Variants in ARSB observed in about 807,000 individuals in gnomAD.
ARSB encodes N-acetylgalactosamine-4-sulfatase.
ARSB carries 41 observed loss-of-function variants against 50.9 expected under a neutral mutation model. The ratio of observed to expected loss-of-function variants is 0.81; its 90% CI spans 0.63 to 1.04. The LOEUF is 1.04. Ranked by LOEUF, ARSB falls within the 50% of genes least tolerant of loss-of-function variation. The pLI, the probability that ARSB is intolerant of heterozygous loss-of-function variation, is 0.00. For missense variants in ARSB, 672 were observed against 693.3 expected, an observed-to-expected ratio of 0.97 and a Z score of 0.35; for synonymous variants, 269 against 284.8, an observed-to-expected ratio of 0.94 and a Z score of 0.56.
rs377562347 is a variant in ARSB, at chr5:78,872,651, C to T, written c.1142+12933G>A. On this transcript the variant is annotated intron_variant, in intron 5 of 7. Transcript: ENST00000264914. ...TGGACACAGGAAGGGGAATATCACA[C>T]CCTGGGGACTGTGGTGGGGAGGGGG... Among the ~76,000 whole-genome samples the T allele has an allele frequency of 9.9e-5, 14 of 140,780 alleles. No individual in the cohort carries two copies. The East Asian group carries it at 1.4e-3, about 14-fold the overall frequency. 92.4% of individuals were successfully genotyped at this position (140,780 alleles called of 152,430 possible). A position where few individuals can be genotyped will look rare whatever the true frequency, so the allele number is the denominator to read the frequency against.
intron 4 of ARSB, among the ~76,000 whole-genome samples, chr5:78,944,382 C>T (rs1004864315): frequency 3.3e-5 from 5 of 152,204 alleles, no homozygotes; most frequent in Non-Finnish European, 5.9e-5. Flanking sequence ...AGTTTTTCTG[C>T]TCTGTTTTTT....
At chr5:78,918,971 C>T (rs1749683761) in intron 4 of ARSB, among the ~76,000 whole-genome samples, 1 of 152,088 alleles carries the variant, frequency 6.6e-6, no homozygotes, top group Non-Finnish European at 1.5e-5. Flanking sequence ...CAGTTGAGTA[C>T]TGGTAATAGA....
chr5:78,801,463 TTGC>T (rs1464220784), intron 6 of ARSB, among the ~76,000 whole-genome samples: 2 of 152,182 alleles, frequency 1.3e-5, no homozygotes, highest in Non-Finnish European at 2.9e-5. Flanking sequence ...GTGAGAGATG[TTGC>T]TTTTGGAGGA....
intron 6 of ARSB, chr5:78,783,552 AT>A (rs1748986220): frequency 6.6e-6 from 1 of 152,112 alleles, no homozygotes; most frequent in African/African-American, 2.4e-5. Context: ...GCTTGCGGAT[AT>A]TTTGGCTCCA....
chr5:78,855,955 G>C, intron 5 of ARSB, among the ~76,000 whole-genome samples: 1 of 152,112 alleles, frequency 6.6e-6, no homozygotes, highest in East Asian at 1.9e-4. Flanking sequence ...GCACCACTGT[G>C]CTCCTCCTCA....
chr5:78,971,493 T>C (rs1752451645), intron 1 of ARSB, among the ~76,000 whole-genome samples: 1 of 152,216 alleles, frequency 6.6e-6, no homozygotes, highest in African/African-American at 2.4e-5. Flanking sequence ...AAGAAACTTG[T>C]TGCTAACAAA....
chr5:78,885,257 A>G, intron 5 of ARSB: 1 of 385,606 alleles, frequency 2.6e-6, no homozygotes, highest in Non-Finnish European at 4.6e-6. Context: ...AGCAGACAAC[A>G]GGACTAGTTC....
chr5:78,820,799 C>G (rs768421002), intron 6 of ARSB, among the ~76,000 whole-genome samples: 2 of 152,014 alleles, frequency 1.3e-5, no homozygotes, highest in African/African-American at 2.4e-5. Flanking sequence ...CCACTCAGGT[C>G]GTGACCACCA....
chr5:78,933,321 G>C (rs1750431246), intron 4 of ARSB, among the ~76,000 whole-genome samples: 1 of 152,158 alleles, frequency 6.6e-6, no homozygotes, highest in Admixed American at 6.5e-5. Flanking sequence ...TCCCTAAGTA[G>C]AAGAAATCAG....
intron 6 of ARSB, among the ~76,000 whole-genome samples, chr5:78,794,184 G>C (rs138152489): frequency 1.7e-4 from 26 of 152,294 alleles, no homozygotes; most frequent in African/African-American, 5.5e-4. Flanking sequence ...TATAGGTGCT[G>C]TAGTGGATTC....
At chr5:78,975,533 C>A (rs1426583233) in intron 1 of ARSB, among the ~76,000 whole-genome samples, 1 of 152,170 alleles carries the variant, frequency 6.6e-6, no homozygotes, top group East Asian at 1.9e-4. Context: ...CTATTCTGTG[C>A]CAAGGTTTAT....
chr5:78,823,483 A>G (rs1408708037), intron 6 of ARSB, among the ~76,000 whole-genome samples: 3 of 152,212 alleles, frequency 2.0e-5, no homozygotes, highest in African/African-American at 7.2e-5. Context: ...TACTTCCGCA[A>G]GATCAGAGGA....
chr5:78,896,359 T>C (rs902078311), intron 4 of ARSB, among the ~76,000 whole-genome samples: 1 of 152,138 alleles, frequency 6.6e-6, no homozygotes, highest in African/African-American at 2.4e-5. Flanking sequence ...ACTGGCTCCC[T>C]GGAGGGGAGC....
intron 5 of ARSB, among the ~76,000 whole-genome samples, chr5:78,857,135 A>T (rs1746189308): frequency 6.6e-6 from 1 of 152,228 alleles, no homozygotes; most frequent in South Asian, 2.1e-4. Context: ...ACACAAGAAT[A>T]ATATGAAGAT....
At chr5:78,826,385 C>G (rs1261283529) in intron 6 of ARSB, among the ~76,000 whole-genome samples, 1 of 152,088 alleles carries the variant, frequency 6.6e-6, no homozygotes, top group Non-Finnish European at 1.5e-5. Flanking sequence ...ATTTATTCAA[C>G]AACTACTTAT....
intron 7 of ARSB, among the ~76,000 whole-genome samples, chr5:78,781,239 C>T (rs1428949203): frequency 2.0e-5 from 3 of 151,512 alleles, no homozygotes; most frequent in South Asian, 2.1e-4. Context: ...ATTTAAAATC[C>T]GTATTTTCCA....
In ARSB at chr5:78,968,583, T is replaced by C. The variant is rs142726353; in HGVS notation, c.499+423A>G. On this transcript the variant is annotated intron_variant, in intron 2 of 7. Transcript: ENST00000264914. ...TCAGGATGGTCTCCATCTCCTGACCTCGTGATCCGCCTGCTTCGGCCTCCC... is the reference window on the plus strand; with the variant it reads ...TCAGGATGGTCTCCATCTCCTGACCCCGTGATCCGCCTGCTTCGGCCTCCC... 9.6e-3 allele frequency among the ~76,000 whole-genome samples: 1,454 copies of C among 152,164 alleles called. 23 individuals carry two copies. Among genetic ancestry groups the C allele is most frequent in the African/African-American group, 0.033 (1,363 of 41,522 alleles).
intron 3 of ARSB, among the ~76,000 whole-genome samples, chr5:78,956,159 T>C (rs779508088): frequency 1.6e-4 from 25 of 152,114 alleles, no homozygotes; most frequent in Non-Finnish European, 2.4e-4. Context: ...AAACAAAATA[T>C]GGTATATTTT....
chr5:78,828,760 A>T (rs1744546163), intron 6 of ARSB, among the ~76,000 whole-genome samples: 1 of 129,192 alleles, frequency 7.7e-6, no homozygotes, highest in Admixed American at 7.5e-5. Context: ...AAAGATATCC[A>T]CGTCCCAATC....
Sources: allele counts gnomAD v4.1 joint callset (sites outside exome capture counted in the v4.1 genomes callset), GRCh38; gene constraint gnomAD v4.1.1; transcripts MANE v1.5; gene names NCBI Gene and HGNC (gene_info 2026-07-23, HGNC 2026-07-21).